The following SETD6 variants were observed in gnomAD, a reference collection of about 807,000 sequenced individuals.
SETD6 encodes the protein N-lysine methyltransferase SETD6.
A neutral mutation model predicts 52.7 loss-of-function variants in SETD6; 67 were observed. The observed-to-expected ratio is 1.27, with a 90% confidence interval of 1.04 to 1.56. The LOEUF is 1.56. SETD6 is among the 40% of genes most tolerant of loss of function. SETD6 has a pLI of 0.00. For synonymous variants in SETD6, 307 were observed against 250.2 expected (o/e 1.23, Z -2.14); for missense variants, 712 against 607.5 (o/e 1.17, Z -1.81).
Position 58,518,735 on chromosome 16 carries a change from G to A in SETD6, c.1128G>A (p.Met376Ile). Residue 376 changes from methionine (M) to isoleucine (I), a missense_variant, in exon 8 of 8, where the codon ATG becomes ATA. Transcript: ENST00000219315. Reference sequence around the variant, plus strand: ...GTGGTTGCTTCTAGGTACTGTGCATGCCTGCTGAGGAGTTCAGAGAGCTTA... The same window carrying A: ...GTGGTTGCTTCTAGGTACTGTGCATACCTGCTGAGGAGTTCAGAGAGCTTA... ...ELTTTLKVLCMPAEEFRELKD... is the reference protein window; with the variant it reads ...ELTTTLKVLCIPAEEFRELKD... 1 of 1,614,036 alleles carries A rather than the reference G, an allele frequency of 6.2e-7. No individual in the cohort carries two copies. Among genetic ancestry groups the A allele is most frequent in the Non-Finnish European group, 8.5e-7 (1 of 1,179,980 alleles).
rs749998337 is a variant in SETD6 at position 58,518,283 on chromosome 16, T to G, written c.973+52T>G. 56 of 1,608,380 alleles carry G rather than the reference T, an allele frequency of 3.5e-5. No homozygotes were observed. In the Admixed American group the frequency reaches 3.7e-4, roughly 11 times the overall value. On this transcript the variant is annotated intron_variant, in intron 6 of 7. Coordinates refer to ENST00000219315, the MANE Select transcript of SETD6 (RefSeq NM_001160305.4). ...GACACTGATGGTGTGTCTATACCCA[T>G]GCCTCAGGTTAAATAGCTTTGCTAA...
chr16:58,523,624 A>G lies in SETD6; in HGVS notation c.*4595A>G. ...TTCAAATTAATCTTTGGTTTAAAGC[A>G]GTGGTTCTTGGGACCCCAAAGAGTT... On this transcript the variant is annotated 3_prime_UTR_variant, in exon 8 of 8. Coordinates refer to ENST00000219315, the MANE Select transcript of SETD6 (RefSeq NM_001160305.4). The G allele has an allele frequency of 1.2e-6, 1 of 862,434 alleles. No individual in the cohort carries two copies. The allele number at this position is 862,434 out of a possible 1,614,324, so 53.4% of individuals were successfully genotyped here.
chr16:58,523,363 C>T lies in SETD6; in HGVS notation c.*4334C>T, dbSNP rs200707564. On this transcript the variant is annotated 3_prime_UTR_variant, in exon 8 of 8. Coordinates refer to ENST00000219315, the MANE Select transcript of SETD6 (RefSeq NM_001160305.4). ...TGAAGCATTTAAAAAATAAGCTGCT[C>T]GCTTACCTTGTGATCTGTTCTTGGA... The T allele has an allele frequency of 3.0e-4, 464 of 1,566,758 alleles. No individual in the cohort carries two copies. Among genetic ancestry groups the T allele is most frequent in the Non-Finnish European group, 3.9e-4 (445 of 1,155,780 alleles).
rs1177040964 is a variant in SETD6 at position 58,519,372 on chromosome 16, T to C, written c.*343T>C. On this transcript the variant is annotated 3_prime_UTR_variant, in exon 8 of 8. Transcript: ENST00000219315. ...TTTGGAGGTAGACCCCTGGTTTAAA[T>C]CTAAGTCTAGTTTGAGGAAGTCACT... 1 of 223,538 alleles carries C rather than the reference T, an allele frequency of 4.5e-6. No homozygotes were observed. Among genetic ancestry groups the C allele is most frequent in the Non-Finnish European group, 8.9e-6 (1 of 111,986 alleles). 13.8% of individuals were successfully genotyped at this position (223,538 alleles called of 1,614,324 possible).
Position 58,523,203 on chromosome 16 carries a change from C to CCACT in SETD6, c.*4175_*4178dup, listed in dbSNP as rs1467023175. 1.9e-6 allele frequency: 1 copy of CCACT among 540,294 alleles called. No individual in the cohort carries two copies. Among genetic ancestry groups the CCACT allele is most frequent in the Non-Finnish European group, 2.9e-6 (1 of 341,896 alleles). The allele number at this position is 540,294 out of a possible 1,614,324, so 33.5% of individuals were successfully genotyped here. A position where few individuals can be genotyped will look rare whatever the true frequency, so the allele number is the denominator to read the frequency against. ...GAGGTTGCAGTGAGCCAAGATGGCGCCACTGTACTGCAGACTGAGTGACAG... is the reference window on the plus strand; with the variant it reads ...GAGGTTGCAGTGAGCCAAGATGGCGCCACTCACTGTACTGCAGACTGAGTGACAG... On this transcript the variant is annotated 3_prime_UTR_variant, in exon 8 of 8. Transcript: ENST00000219315.
Position 58,523,011 on chromosome 16 carries a change from T to C in SETD6, c.*3982T>C, listed in dbSNP as rs2039460248. On this transcript the variant is annotated 3_prime_UTR_variant, in exon 8 of 8. Coordinates refer to ENST00000219315, the MANE Select transcript of SETD6 (RefSeq NM_001160305.4). ...CTGTAATCCCAGCACTTTGGGAGGCTGAGGCGGGTGGATCACTTGAGGTCA... is the reference window on the plus strand; with the variant it reads ...CTGTAATCCCAGCACTTTGGGAGGCCGAGGCGGGTGGATCACTTGAGGTCA... The C allele has an allele frequency of 6.3e-6, 1 of 157,610 alleles. No homozygotes were observed. Among genetic ancestry groups the C allele is most frequent in the Non-Finnish European group, 1.4e-5 (1 of 71,424 alleles). The allele number at this position is 157,610 out of a possible 1,614,324, so 9.8% of individuals were successfully genotyped here.
rs2039275359 is a variant in SETD6 at position 58,519,090 on chromosome 16, G to C, written c.*61G>C. 4.1e-6 allele frequency: 6 copies of C among 1,477,728 alleles called. No homozygotes were observed. Among genetic ancestry groups the C allele is most frequent in the Non-Finnish European group, 5.4e-6 (6 of 1,105,452 alleles). The allele number at this position is 1,477,728 out of a possible 1,614,324, so 91.5% of individuals were successfully genotyped here. On this transcript the variant is annotated 3_prime_UTR_variant, in exon 8 of 8. Coordinates refer to ENST00000219315, the MANE Select transcript of SETD6 (RefSeq NM_001160305.4). ...ACTTTATTCTAAGCTAATACTCATT[G>C]ATGTTTGAAAAAGAGGAAAATTTGG...
chr16:58,517,091 T>A (rs1328888326), intron 5 of SETD6, 163 bp downstream of exon 5: 2 of 1,039,720 alleles, frequency 1.9e-6, no homozygotes, highest in Non-Finnish European at 2.9e-6. Flanking sequence ...ATGCGAAACA[T>A]TTTAAAGTCC....
At position 58,518,012 on chromosome 16, in the gene SETD6, C is replaced by T. The variant is rs753761095; in HGVS notation, c.793-39C>T. The T allele has an allele frequency of 2.2e-5, 35 of 1,613,404 alleles. 1 individual carries two copies. The highest frequency in any genetic ancestry group is 2.0e-4 in the East Asian group (9 of 44,896). On this transcript the variant is annotated intron_variant, in intron 5 of 7. Coordinates refer to ENST00000219315, the MANE Select transcript of SETD6 (RefSeq NM_001160305.4). ...GGAAATAATCTTCATGGGGCTGGCC[C>T]GTGAAAGGCATGGCCCCAGCTTCTC...
chr16:58,517,753 G>A, intron 5 of SETD6: 1 of 419,528 alleles, frequency 2.4e-6, no homozygotes, highest in Non-Finnish European at 4.4e-6. Context: ...TGGGATTACA[G>A]GTGTGAGCCA....
rs10701404 is a variant in SETD6, at chr16:58,522,555, A to AGTGT, written c.*3539_*3542dup. Among the ~76,000 whole-genome samples, 458 of 151,610 alleles carry AGTGT rather than the reference A, an allele frequency of 3.0e-3. 1 individual carries two copies. The highest frequency in any genetic ancestry group is 9.7e-3 in the African/African-American group (399 of 41,340). ...TTTAAGAGTCTGGCCCAATTTTTAA[A>AGTGT]GTGTGTGTGTGTGTGTATCACAATC... On this transcript the variant is annotated 3_prime_UTR_variant, in exon 8 of 8. Coordinates refer to ENST00000219315, the MANE Select transcript of SETD6 (RefSeq NM_001160305.4).
chr16:58,516,555 G>C lies in SETD6; in HGVS notation c.554G>C (p.Arg185Pro). Residue 185 changes from arginine (R) to proline (P), a missense_variant, in exon 4 of 8, where the codon CGC (arginine) becomes CCC (proline). Transcript: ENST00000219315. ...EAVEKDLANI[R>P]SEYQSIVLPF... ...GTGGAGAAGGATTTGGCCAACATCC[G>C]CAGCGAGTACCAGTCCATCGTGCTG... is the stretch of plus-strand genomic sequence containing the variant. The C allele has an allele frequency of 6.2e-7, 1 of 1,614,180 alleles. No homozygotes were observed. Among genetic ancestry groups the C allele is most frequent in the Admixed American group, 1.7e-5 (1 of 60,024 alleles).
rs967921098 is a variant in SETD6, at chr16:58,522,117, A to T, written c.*3088A>T. Among the ~76,000 whole-genome samples the T allele has an allele frequency of 6.6e-6, 1 of 152,030 alleles. No individual in the cohort carries two copies. Among genetic ancestry groups the T allele is most frequent in the Non-Finnish European group, 1.5e-5 (1 of 68,012 alleles). On this transcript the variant is annotated 3_prime_UTR_variant, in exon 8 of 8. Coordinates refer to ENST00000219315, the MANE Select transcript of SETD6 (RefSeq NM_001160305.4). The stretch of plus-strand genomic sequence containing the variant: ...GGTGGATCACGAGGTCGGGAGTTCA[A>T]GACCAGCCTGGCCAAGATGGTGAAA...
In SETD6 at chr16:58,521,372, T is replaced by G. The variant is rs2039361725; in HGVS notation, c.*2343T>G. ...GTATAGAAGCATACAAATTCATGAT[T>G]ATTCTTCCATTACTTTTTTTCTAAC... is the stretch of plus-strand genomic sequence containing the variant. On this transcript the variant is annotated 3_prime_UTR_variant, in exon 8 of 8. Coordinates refer to ENST00000219315, the MANE Select transcript of SETD6 (RefSeq NM_001160305.4). 1.1e-5 allele frequency: 17 copies of G among 1,527,220 alleles called. No homozygotes were observed. Among genetic ancestry groups the G allele is most frequent in the Non-Finnish European group, 1.4e-5 (16 of 1,131,154 alleles). The allele number at this position is 1,527,220 out of a possible 1,614,324, so 94.6% of individuals were successfully genotyped here. A position where few individuals can be genotyped will look rare whatever the true frequency, so the allele number is the denominator to read the frequency against.
At position 58,518,031 on chromosome 16, in the gene SETD6, G is replaced by A. The variant is rs781419276; in HGVS notation, c.793-20G>A. 36 of 1,613,962 alleles carry A rather than the reference G, an allele frequency of 2.2e-5. No homozygotes were observed. Among genetic ancestry groups the A allele is most frequent in the Middle Eastern group, 1.7e-4 (1 of 6,028 alleles). Reference sequence around the variant, plus strand: ...CTGGCCCGTGAAAGGCATGGCCCCAGCTTCTCCCTTTCACCTCAGAATTGT... The same window carrying A: ...CTGGCCCGTGAAAGGCATGGCCCCAACTTCTCCCTTTCACCTCAGAATTGT... On this transcript the variant is annotated intron_variant, in intron 5 of 7. Transcript: ENST00000219315.
In SETD6 at chr16:58,516,902, C is replaced by T. The variant is rs772468371; in HGVS notation, c.766C>T (p.His256Tyr). Reference sequence around the variant, plus strand: ...AGACATACTAAACCACTTAGCCAATCACAACGCCAATCTAGAATACTCTGC... The same window carrying T: ...AGACATACTAAACCACTTAGCCAATTACAACGCCAATCTAGAATACTCTGC... ...AADILNHLAN[H>Y]NANLEYSANC... Residue 256 changes from histidine to tyrosine, a missense_variant, in exon 5 of 8, where the codon CAC becomes TAC. Physicochemically the swap from His to Tyr is moderately conservative, Grantham distance 83. Transcript: ENST00000219315. 1.9e-6 allele frequency: 3 copies of T among 1,614,094 alleles called. No individual in the cohort carries two copies. Among genetic ancestry groups the T allele is most frequent in the Non-Finnish European group, 2.5e-6 (3 of 1,180,046 alleles).
At position 58,516,001 on chromosome 16, in the gene SETD6, C is replaced by A. The variant is rs751870228; in HGVS notation, c.238C>A (p.Arg80=). The A allele has an allele frequency of 1.1e-5, 17 of 1,542,338 alleles. No homozygotes were observed. In the African/African-American group the frequency reaches 1.7e-4, roughly 15 times the overall value. Residue 80 remains arginine (R), a synonymous_variant, in exon 2 of 8, where the codon CGG becomes AGG. Coordinates refer to ENST00000219315, the MANE Select transcript of SETD6 (RefSeq NM_001160305.4). The part of the protein sequence containing the change: ...GTVAGYGMVA[R]ESVQAGELLF... ...GGTGGCCGGCTACGGCATGGTGGCC[C>A]GGGAGAGCGTGCAGGCCGGAGAGCT... is the stretch of plus-strand genomic sequence containing the variant.
Position 58,523,254 on chromosome 16 carries a change from A to C in SETD6, c.*4225A>C. ...AGCAACACTCCGTCTCAAAAAAACA[A>C]AAAAAAAACCAACCAAACGGATTTT... On this transcript the variant is annotated 3_prime_UTR_variant, in exon 8 of 8. Transcript: ENST00000219315. The C allele has an allele frequency of 8.1e-7, 1 of 1,227,620 alleles. No individual in the cohort carries two copies. The highest frequency in any genetic ancestry group is 1.9e-5 in the South Asian group (1 of 53,664). 76.0% of individuals were successfully genotyped at this position (1,227,620 alleles called of 1,614,324 possible).
chr16:58,517,018 GT>G, intron 5 of SETD6, 90 bp downstream of exon 5: 1 of 1,590,244 alleles, frequency 6.3e-7, no homozygotes, highest in Non-Finnish European at 8.6e-7. Flanking sequence ...TACAAAATGA[GT>G]AGGTGAAATC....
Sources: allele counts gnomAD v4.1 joint callset (sites outside exome capture counted in the v4.1 genomes callset), GRCh38; gene constraint gnomAD v4.1.1; transcripts MANE v1.5; gene names NCBI Gene and HGNC (gene_info 2026-07-23, HGNC 2026-07-21).